TGFBR3: variants seen among roughly 807,000 people sequenced by gnomAD.
TGFBR3 encodes transforming growth factor beta receptor 3.
Under a neutral mutation model 87.9 loss-of-function variants are expected in TGFBR3, and 46 were observed. The ratio of observed to expected loss-of-function variants is 0.52; its 90% CI spans 0.41 to 0.67. The LOEUF (loss-of-function observed/expected upper bound fraction) is 0.67. TGFBR3 is among the 30% of genes least tolerant of loss of function. The pLI is 0.00. For synonymous variants in TGFBR3, 381 were observed against 391.6 expected, an observed-to-expected ratio of 0.97 and a Z score of 0.32; for missense variants, 866 against 1,041.9, an observed-to-expected ratio of 0.83 and a Z score of 2.32.
chr1:91,837,221 ATTAT>A (rs3039475), intron 2 of TGFBR3, among the ~76,000 whole-genome samples: 78 of 149,438 alleles, frequency 5.2e-4, no homozygotes, highest in African/African-American at 8.9e-4. Flanking sequence ...AAGTAAGGAT[ATTAT>A]TTATTTATTT....
chr1:91,815,916 T>C (rs1171945295), intron 2 of TGFBR3, among the ~76,000 whole-genome samples: 1 of 152,202 alleles, frequency 6.6e-6, no homozygotes, highest in Non-Finnish European at 1.5e-5. Flanking sequence ...GCCTCCACAG[T>C]GTGAACCTGG....
chr1:91,742,716 T>C (rs1388323703), intron 4 of TGFBR3, among the ~76,000 whole-genome samples: 1 of 152,156 alleles, frequency 6.6e-6, no homozygotes, highest in African/African-American at 2.4e-5. Context: ...TAAACGTTTG[T>C]TGAAGGGGAA....
intron 1 of TGFBR3, chr1:91,866,898 C>G (rs183060801): frequency 6.6e-6 from 1 of 152,258 alleles, no homozygotes; most frequent in East Asian, 1.9e-4. Flanking sequence ...CAGGGAATAG[C>G]GTGATCAGAT....
intron 12 of TGFBR3, among the ~76,000 whole-genome samples, chr1:91,713,686 A>T (rs1311791249): frequency 6.6e-6 from 1 of 152,214 alleles, no homozygotes; most frequent in Non-Finnish European, 1.5e-5. Context: ...ACTGCAGGAC[A>T]CTCAACAGTG....
intron 2 of TGFBR3, among the ~76,000 whole-genome samples, chr1:91,803,203 G>A (rs1029413614): frequency 7.2e-5 from 11 of 152,174 alleles, no homozygotes; most frequent in Admixed American, 2.0e-4. Context: ...ACTTGCTCCC[G>A]TGTTTTGGCC....
chr1:91,902,052 A>G (rs985816442), intron 1 of TGFBR3, among the ~76,000 whole-genome samples: 1 of 152,150 alleles, frequency 6.6e-6, no homozygotes, highest in African/African-American at 2.4e-5. Flanking sequence ...TAAAACTTAC[A>G]TAATACTAGC....
intron 14 of TGFBR3, among the ~76,000 whole-genome samples, chr1:91,698,646 G>A (rs142542219): frequency 4.7e-4 from 71 of 150,914 alleles, no homozygotes; most frequent in Non-Finnish European, 8.2e-4. Context: ...GGAACTACAA[G>A]CATGTGCCAC....
intron 2 of TGFBR3, among the ~76,000 whole-genome samples, chr1:91,814,231 G>GTATGTATA (rs1676127168): frequency 1.5e-5 from 2 of 134,390 alleles, no homozygotes; most frequent in Non-Finnish European, 3.5e-5. Flanking sequence ...GTATATGTAT[G>GTATGTATA]TATATATACA....
At chr1:91,784,565 G>A (rs1202342948) in intron 3 of TGFBR3, among the ~76,000 whole-genome samples, 1 of 152,178 alleles carries the variant, frequency 6.6e-6, no homozygotes, top group Non-Finnish European at 1.5e-5. Context: ...TCAGAGCGAT[G>A]TTTAGAAAAG....
chr1:91,819,363 G>A (rs2489176), intron 2 of TGFBR3, among the ~76,000 whole-genome samples: 17,816 of 139,908 alleles, frequency 0.13, 1,315 homozygotes, highest in East Asian at 0.38. Context: ...GCAAGACTCC[G>A]TCTGGGAAAA....
At chr1:91,708,936 CA>C (rs1424833195) in intron 13 of TGFBR3, among the ~76,000 whole-genome samples, 153 bp from the exon 14 acceptor site, 3 of 152,104 alleles carry the variant, frequency 2.0e-5, no homozygotes, top group African/African-American at 7.2e-5. Flanking sequence ...CAGAGAACAC[CA>C]AATAACCTGG....
At chr1:91,699,075 C>CCA (rs924395667) in intron 14 of TGFBR3, among the ~76,000 whole-genome samples, 6 of 152,046 alleles carry the variant, frequency 3.9e-5, no homozygotes, top group Non-Finnish European at 7.4e-5. Flanking sequence ...GGAAAAAAAT[C>CCA]CACACTCTTT....
chr1:91,780,551 C>CTTT (rs60294904), intron 3 of TGFBR3, among the ~76,000 whole-genome samples: 963 of 77,146 alleles, frequency 0.012, 139 homozygotes, highest in African/African-American at 0.045. Flanking sequence ...GGGTCTAAGG[C>CTTT]TTTTTTTTTT....
At chr1:91,796,098 T>C (rs923665800) in intron 3 of TGFBR3, among the ~76,000 whole-genome samples, 23 of 152,186 alleles carry the variant, frequency 1.5e-4, no homozygotes, top group African/African-American at 5.5e-4. Flanking sequence ...TACTTCACTA[T>C]GATCAGGATT....
intron 1 of TGFBR3, among the ~76,000 whole-genome samples, chr1:91,865,452 T>C (rs1365862775): frequency 1.3e-5 from 2 of 151,668 alleles, no homozygotes; most frequent in East Asian, 3.9e-4. Flanking sequence ...AAAGTATTTA[T>C]TTAAAAAAAA....
At chr1:91,885,362 C>CGGGGG (rs35005201) in intron 1 of TGFBR3, among the ~76,000 whole-genome samples, 1 of 125,780 alleles carries the variant, frequency 8.0e-6, no homozygotes. Flanking sequence ...TAAACCGGGG[C>CGGGGG]GGGGGGGGGC....
At chr1:91,816,982 A>G (rs1676256377) in intron 2 of TGFBR3, among the ~76,000 whole-genome samples, 1 of 152,224 alleles carries the variant, frequency 6.6e-6, no homozygotes, top group Non-Finnish European at 1.5e-5. Context: ...CTCATTTATC[A>G]TCTCTACAAC....
chr1:91,882,427 A>C (rs1366655169), intron 1 of TGFBR3, among the ~76,000 whole-genome samples: 4 of 151,200 alleles, frequency 2.6e-5, no homozygotes, highest in Admixed American at 2.6e-4. Flanking sequence ...GTGAGCCACC[A>C]CACCCAGCCA....
chr1:91,793,805 C>CA (rs57943201), intron 3 of TGFBR3, among the ~76,000 whole-genome samples: 16,937 of 98,004 alleles, frequency 0.17, 1,753 homozygotes, highest in East Asian at 0.4. Context: ...GACTCTGTCT[C>CA]AAAAAAAAAA....
Sources: allele counts gnomAD v4.1 joint callset (sites outside exome capture counted in the v4.1 genomes callset), GRCh38; gene constraint gnomAD v4.1.1; transcripts MANE v1.5; gene names NCBI Gene and HGNC (gene_info 2026-07-23, HGNC 2026-07-21).